Variants in P4HA3 observed in about 807,000 individuals in gnomAD.
The protein encoded by P4HA3 is prolyl 4-hydroxylase subunit alpha 3, also known as prolyl 4-hydroxylase subunit alpha-3.
A neutral mutation model predicts 66.7 loss-of-function variants in P4HA3; 60 were observed. The ratio of observed to expected loss-of-function variants is 0.90; its 90% CI spans 0.73 to 1.12. P4HA3 has a LOEUF of 1.12. Ranked by LOEUF, P4HA3 falls within the 50% of genes most tolerant of loss-of-function variation. P4HA3 has a pLI of 0.00. For missense variants in P4HA3, 683 were observed against 685.8 expected (o/e 1.00, Z 0.05); for synonymous variants, 263 against 274.6 (o/e 0.96, Z 0.42).
intron 10 of P4HA3, among the ~76,000 whole-genome samples, chr11:74,271,211 G>A (rs543838617): frequency 7.9e-5 from 12 of 152,314 alleles, no homozygotes; most frequent in Middle Eastern, 6.8e-3. Context: ...TGGCAGTGGT[G>A]ACTATTAGCA....
At chr11:74,310,887 C>A (rs1325950345) in intron 1 of P4HA3, among the ~76,000 whole-genome samples, 1 of 152,166 alleles carries the variant, frequency 6.6e-6, no homozygotes, top group Non-Finnish European at 1.5e-5. Context: ...TTTCACGATC[C>A]CCCCTTGAAA....
At chr11:74,287,339 C>T (rs1410575152) in intron 5 of P4HA3, 2 of 1,285,514 alleles carry the variant, frequency 1.6e-6, no homozygotes, top group Non-Finnish European at 2.0e-6. Flanking sequence ...TCTGTTTTAA[C>T]AAGAGAAGAA....
chr11:74,259,397 C>G (rs1013303439), intron 15 of P4HA3, among the ~76,000 whole-genome samples: 2 of 152,022 alleles, frequency 1.3e-5, no homozygotes, highest in African/African-American at 2.4e-5. Flanking sequence ...CAAAACAAAA[C>G]AAAACAAACA....
At chr11:74,279,715 T>C (rs1405765524) in intron 7 of P4HA3, among the ~76,000 whole-genome samples, 1 of 152,232 alleles carries the variant, frequency 6.6e-6, no homozygotes, top group African/African-American at 2.4e-5. Flanking sequence ...AATAAAAGTT[T>C]GCTGAGTTGA....
chr11:74,303,029 A>G (rs954029458), intron 2 of P4HA3, among the ~76,000 whole-genome samples: 17 of 151,584 alleles, frequency 1.1e-4, no homozygotes, highest in African/African-American at 3.6e-4. Context: ...ATAGCTCACT[A>G]TAATCTTGAA....
chr11:74,308,888 G>A (rs190874950), intron 1 of P4HA3, among the ~76,000 whole-genome samples: 2 of 152,250 alleles, frequency 1.3e-5, no homozygotes, highest in East Asian at 3.9e-4. Context: ...ATGGTGGTAG[G>A]TACTATTTTT....
chr11:74,286,032 G>T, intron 6 of P4HA3, 47 bp from the exon 7 acceptor site: 1 of 1,553,232 alleles, frequency 6.4e-7, no homozygotes, highest in Non-Finnish European at 8.9e-7. Flanking sequence ...GGGTCTAGGA[G>T]CAAAACTCAA....
Position 74,304,270 on chromosome 11 carries a change from C to A in P4HA3, c.343G>T (p.Ala115Ser). 6.2e-7 allele frequency: 1 copy of A among 1,613,640 alleles called. No homozygotes were observed. ...HSLEASENIR[A>S]LKDGYEKVEQ... The stretch of plus-strand genomic sequence containing the variant: ...ACCCTCCAGCCCTCCTCCTCATTAC[C>A]TCGGATGTTCTCACTGGCCTCCAGA... The change falls in exon 2 of 13, where the codon GCT becomes TCT. Residue 115 changes from alanine to serine, a missense_variant and splice_region_variant. Transcript: ENST00000331597.
intron 4 of P4HA3, 43 bp from the exon 5 acceptor site, chr11:74,289,173 G>T: frequency 7.0e-7 from 1 of 1,431,720 alleles, no homozygotes; most frequent in South Asian, 1.3e-5. Context: ...TAACTTCACT[G>T]AGGATATCTC....
At chr11:74,284,841 T>G (rs1254184081) in intron 7 of P4HA3, among the ~76,000 whole-genome samples, 2 of 152,084 alleles carry the variant, frequency 1.3e-5, no homozygotes. Context: ...GTGTTGAATA[T>G]CTGCTTCCTA....
intron 12 of P4HA3, 25 bp from the exon 13 acceptor site, chr11:74,267,343 G>C (rs1860024160): frequency 6.2e-7 from 1 of 1,612,734 alleles, no homozygotes; most frequent in Non-Finnish European, 8.5e-7. Flanking sequence ...GGAAGAAGGA[G>C]ACAGCAGGCT....
intron 12 of P4HA3, 67 bp downstream of exon 12, chr11:74,268,078 C>T: frequency 7.3e-7 from 1 of 1,377,704 alleles, no homozygotes; most frequent in African/African-American, 1.4e-5. Context: ...TAGGTCCCAC[C>T]CATCCCCTGT....
At chr11:74,279,324 G>T (rs1860509922) in intron 8 of P4HA3, 64 bp downstream of exon 8, 1 of 1,460,390 alleles carries the variant, frequency 6.8e-7, no homozygotes, top group Non-Finnish European at 9.6e-7. Context: ...TTGCTGACTG[G>T]CAGTCAGCTA....
chr11:74,309,795 ACGCAAG>A (rs1218053759), intron 1 of P4HA3, among the ~76,000 whole-genome samples: 1 of 152,238 alleles, frequency 6.6e-6, no homozygotes, highest in Non-Finnish European at 1.5e-5. Context: ...AGCTGTTTAT[ACGCAAG>A]CCACATACTT....
chr11:74,252,396 C>T (rs1859723441), intron 15 of P4HA3: 4 of 454,144 alleles, frequency 8.8e-6, no homozygotes, highest in South Asian at 6.2e-5. Context: ...CGCGCCTGGC[C>T]TAGAGCAGGG....
At chr11:74,251,118 C>T in intron 15 of P4HA3, 1 of 1,530,868 alleles carries the variant, frequency 6.5e-7, no homozygotes, top group Admixed American at 2.0e-5. Context: ...TTGCCTGCAG[C>T]AGCTGCTGTG....
Position 74,304,303 on chromosome 11 carries a change from C to T in P4HA3, c.310G>A (p.Val104Ile), listed in dbSNP as rs766643744. 3.7e-6 allele frequency: 6 copies of T among 1,614,030 alleles called. No homozygotes were observed. The South Asian group carries it at 6.6e-5, about 18-fold the overall frequency. Reference protein sequence around the residue: ...KRLQSDWRNVVHSLEASENIR... With the variant: ...KRLQSDWRNVIHSLEASENIR... ...TTCTCACTGGCCTCCAGACTATGTA[C>T]CACATTCCTCCAGTCAGACTGCAGG... is the stretch of plus-strand genomic sequence containing the variant. The change falls in exon 2 of 13, where the codon GTA (valine) becomes ATA (isoleucine). Residue 104 changes from valine (V) to isoleucine (I), a missense_variant. Val to Ile is a conservative substitution (Grantham distance 29). Transcript: ENST00000331597.
intron 1 of P4HA3, among the ~76,000 whole-genome samples, chr11:74,308,711 A>T (rs1861643734): frequency 6.6e-6 from 1 of 152,226 alleles, no homozygotes; most frequent in Admixed American, 6.5e-5. Flanking sequence ...TCACAATCCT[A>T]GTTAATACTT....
intron 1 of P4HA3, among the ~76,000 whole-genome samples, chr11:74,305,162 G>A (rs1861543043): frequency 6.6e-6 from 1 of 152,114 alleles, no homozygotes; most frequent in South Asian, 2.1e-4. Context: ...GGACCTCTCT[G>A]CTATGAGAGA....
Sources: allele counts gnomAD v4.1 joint callset (sites outside exome capture counted in the v4.1 genomes callset), GRCh38; gene constraint gnomAD v4.1.1; transcripts MANE v1.5; gene names NCBI Gene and HGNC (gene_info 2026-07-23, HGNC 2026-07-21).